The following PRKG1 variants were observed in gnomAD, a reference collection of about 807,000 sequenced individuals.
PRKG1 encodes the protein cGMP-dependent protein kinase 1.
In PRKG1, 35 loss-of-function variants were observed where a neutral mutation model predicts 88.1. That is an observed-to-expected ratio of 0.40 (90% CI 0.30 to 0.53). PRKG1 has a LOEUF of 0.53. PRKG1 is among the 20% of genes least tolerant of loss of function. PRKG1 has a pLI of 0.59. For synonymous variants in PRKG1, 303 were observed against 292.5 expected (o/e 1.04, Z -0.37); for missense variants, 540 against 839.8 (o/e 0.64, Z 4.41).
At position 51,870,476 on chromosome 10, in the gene PRKG1, T is replaced by C. The variant is rs540085615; in HGVS notation, c.699-37031T>C. On this transcript the variant is annotated intron_variant, in intron 4 of 17. Coordinates refer to ENST00000373980, the MANE Select transcript of PRKG1 (RefSeq NM_006258.4). ...AAGTTTAAACCTAGGAGATACTTTT[T>C]AGGGCCCCACCATCTCCATCCCTAA... is the stretch of plus-strand genomic sequence containing the variant. 3.9e-5 allele frequency among the ~76,000 whole-genome samples: 6 copies of C among 151,964 alleles called. 1 individual carries two copies. Among genetic ancestry groups the C allele is most frequent in the African/African-American group, 9.6e-5 (4 of 41,480 alleles).
intron 9 of PRKG1, among the ~76,000 whole-genome samples, chr10:52,174,231 T>C (rs1432154713): frequency 6.6e-6 from 1 of 151,928 alleles, no homozygotes; most frequent in African/African-American, 2.4e-5. Flanking sequence ...GCTTTAGTCT[T>C]TATAAGAATT....
intron 3 of PRKG1, among the ~76,000 whole-genome samples, chr10:51,677,211 C>CT (rs1204950363): frequency 3.0e-4 from 46 of 152,154 alleles, no homozygotes; most frequent in African/African-American, 1.0e-3. Flanking sequence ...GATTGTATTT[C>CT]TTTCATTTTT....
intron 8 of PRKG1, among the ~76,000 whole-genome samples, chr10:52,155,319 T>C (rs1419270920): frequency 1.3e-5 from 2 of 152,224 alleles, no homozygotes; most frequent in Non-Finnish European, 2.9e-5. Flanking sequence ...AAAATATGTA[T>C]ATATTCTTAA....
intron 7 of PRKG1, among the ~76,000 whole-genome samples, chr10:52,082,133 C>T (rs993775648): frequency 1.3e-5 from 2 of 152,040 alleles, no homozygotes; most frequent in African/African-American, 4.8e-5. Flanking sequence ...GGGAATAAAA[C>T]CCCTTTTATT....
At chr10:52,168,735 T>G (rs1207664998) in intron 9 of PRKG1, among the ~76,000 whole-genome samples, 2 of 151,840 alleles carry the variant, frequency 1.3e-5, no homozygotes, top group Non-Finnish European at 2.9e-5. Flanking sequence ...TGAGAGATAT[T>G]TAGGTGGCAA....
intron 2 of PRKG1, among the ~76,000 whole-genome samples, chr10:51,415,330 T>C (rs1267039374): frequency 6.6e-6 from 1 of 152,206 alleles, no homozygotes; most frequent in Non-Finnish European, 1.5e-5. Context: ...AAAAGGAGGC[T>C]TATAGAAATG....
intron 14 of PRKG1, among the ~76,000 whole-genome samples, chr10:52,286,083 C>CATGGAGAA (rs1446363328): frequency 6.6e-6 from 1 of 151,822 alleles, no homozygotes; most frequent in Non-Finnish European, 1.5e-5. Flanking sequence ...CTGCAGTGAC[C>CATGGAGAA]ATGGAGAAAC....
intron 3 of PRKG1, among the ~76,000 whole-genome samples, chr10:51,562,236 A>AAT (rs10632722): frequency 6.9e-6 from 1 of 145,554 alleles, no homozygotes; most frequent in Non-Finnish European, 1.5e-5. Flanking sequence ...AAAAAAAAAA[A>AAT]TGCTACTGTA....
intron 17 of PRKG1, 55 bp from the exon 18 acceptor site, chr10:52,293,747 G>A (rs1277822031): frequency 7.7e-6 from 11 of 1,420,704 alleles, no homozygotes; most frequent in East Asian, 6.8e-5. Context: ...AAAAATTCCA[G>A]CTTGGAATTC....
intron 3 of PRKG1, among the ~76,000 whole-genome samples, chr10:51,669,381 G>T (rs996709271): frequency 6.6e-6 from 1 of 152,136 alleles, no homozygotes; most frequent in Non-Finnish European, 1.5e-5. Flanking sequence ...CCATTCTAAT[G>T]ACCTAATTTA....
At chr10:51,946,458 C>T (rs975168333) in intron 5 of PRKG1, among the ~76,000 whole-genome samples, 3 of 152,128 alleles carry the variant, frequency 2.0e-5, no homozygotes, top group African/African-American at 7.3e-5. Flanking sequence ...CTTCTCTCAA[C>T]TCGTCAAAGT....
At chr10:51,704,341 A>G (rs1841553028) in intron 3 of PRKG1, among the ~76,000 whole-genome samples, 4 of 152,120 alleles carry the variant, frequency 2.6e-5, no homozygotes. Flanking sequence ...TGTTCATTAT[A>G]TATTTGTTGA....
intron 9 of PRKG1, among the ~76,000 whole-genome samples, chr10:52,201,788 C>T (rs1232627735): frequency 6.6e-6 from 1 of 151,906 alleles, no homozygotes; most frequent in Non-Finnish European, 1.5e-5. Context: ...AGATGTATTC[C>T]TAGGTATTTT....
At chr10:51,016,088 A>G (rs1180488572) in intron 1 of PRKG1, among the ~76,000 whole-genome samples, 3 of 152,192 alleles carry the variant, frequency 2.0e-5, no homozygotes, top group African/African-American at 2.4e-5. Context: ...CAGGACGTCA[A>G]CCTTCTAGAA....
In PRKG1 at chr10:51,633,199, C is replaced by A. The variant is rs116391589; in HGVS notation, c.592+165363C>A. Among the ~76,000 whole-genome samples the A allele has an allele frequency of 5.6e-3, 859 of 152,154 alleles. 9 individuals are homozygous for A. The highest frequency in any genetic ancestry group is 0.02 in the African/African-American group (827 of 41,498). ...GCCTGAGTAAAGATCTAGAGGCAACCACTCACATATTTTAAAATAATAATA... is the reference window on the plus strand; with the variant it reads ...GCCTGAGTAAAGATCTAGAGGCAACAACTCACATATTTTAAAATAATAATA... On this transcript the variant is annotated intron_variant, in intron 3 of 17. Transcript: ENST00000373980.
chr10:51,710,025 A>G (rs1316784812), intron 3 of PRKG1, among the ~76,000 whole-genome samples: 1 of 152,186 alleles, frequency 6.6e-6, no homozygotes, highest in Non-Finnish European at 1.5e-5. Flanking sequence ...CTGAGTATAT[A>G]CTCTGTGGAA....
intron 4 of PRKG1, 125 bp from the exon 5 acceptor site, chr10:51,907,382 T>A: frequency 1.4e-6 from 1 of 719,978 alleles, no homozygotes; most frequent in East Asian, 2.9e-5. Context: ...ATGCATTTTT[T>A]TTTTTTTGGC....
intron 5 of PRKG1, among the ~76,000 whole-genome samples, chr10:51,983,934 A>C (rs1365708389): frequency 6.6e-6 from 1 of 152,216 alleles, no homozygotes; most frequent in Admixed American, 6.5e-5. Context: ...TGTCAAATGC[A>C]GTTCTTTTAA....
At chr10:51,583,513 A>G (rs183310038) in intron 3 of PRKG1, among the ~76,000 whole-genome samples, 1 of 152,192 alleles carries the variant, frequency 6.6e-6, no homozygotes, top group Admixed American at 6.6e-5. Flanking sequence ...ACCCATTAGT[A>G]GGTCCTATCT....
Sources: allele counts gnomAD v4.1 joint callset (sites outside exome capture counted in the v4.1 genomes callset), GRCh38; gene constraint gnomAD v4.1.1; transcripts MANE v1.5; gene names NCBI Gene and HGNC (gene_info 2026-07-23, HGNC 2026-07-21).